Variants in SEL1L observed in about 807,000 individuals in gnomAD.
SEL1L encodes the protein protein sel-1 homolog 1.
In SEL1L, 52 loss-of-function variants were observed where a neutral mutation model predicts 109.8. The ratio of observed to expected loss-of-function variants is 0.47; its 90% confidence interval spans 0.38 to 0.60. The LOEUF is 0.60. Among genes scored for constraint, SEL1L ranks in the 20% least tolerant of loss-of-function variants. The pLI is 0.00. For missense variants in SEL1L, 749 were observed against 962.2 expected (o/e 0.78, Z 2.93); for synonymous variants, 373 against 339.6 (o/e 1.10, Z -1.08).
intron 3 of SEL1L, among the ~76,000 whole-genome samples, chr14:81,526,376 T>C (rs1470543161): frequency 6.6e-6 from 1 of 152,198 alleles, no homozygotes; most frequent in Middle Eastern, 3.2e-3. Context: ...CATAGTGGCA[T>C]GTTAGACAGT....
intron 3 of SEL1L, 77 bp from the exon 4 acceptor site, chr14:81,506,318 G>T: frequency 7.6e-7 from 1 of 1,321,466 alleles, no homozygotes; most frequent in East Asian, 2.7e-5. Context: ...ATCAATTTTG[G>T]CTGTTGGAAT....
Position 81,504,058 on chromosome 14 carries a change from G to A in SEL1L, c.614+143C>T, listed in dbSNP as rs536284188. On this transcript the variant is annotated intron_variant, in intron 5 of 20. Coordinates refer to ENST00000336735, the MANE Select transcript of SEL1L (RefSeq NM_005065.6). ...GGTAAAAGCAATGCTACTAATGCCC[G>A]TAAGTTATATTACATTTTTTTGTAA... 34 of 497,666 alleles carry A rather than the reference G, an allele frequency of 6.8e-5. 2 individuals carry two copies. In the South Asian group the frequency reaches 1.1e-3, roughly 16 times the overall value. 30.8% of individuals were successfully genotyped at this position (497,666 alleles called of 1,614,324 possible). A position where few individuals can be genotyped will look rare whatever the true frequency, so the allele number is the denominator to read the frequency against.
chr14:81,496,542 C>T (rs189482379), intron 10 of SEL1L, among the ~76,000 whole-genome samples: 221 of 152,190 alleles, frequency 1.5e-3, no homozygotes, highest in African/African-American at 4.8e-3. Flanking sequence ...AGTTCAAGAT[C>T]AGCCTGGCCA....
Position 81,487,391 on chromosome 14 carries a change from T to C in SEL1L, c.1631A>G (p.Glu544Gly), listed in dbSNP as rs1223408752. 1 of 1,574,750 alleles carries C rather than the reference T, an allele frequency of 6.4e-7. No homozygotes were observed. Among genetic ancestry groups the C allele is most frequent in the Non-Finnish European group, 8.6e-7 (1 of 1,169,300 alleles). ...GVMRSCHTAV[E>G]LFKNVCERGR... ...ACAAGCTGGTAGGAAAGACCTTACC[T>C]CCACTGCAGTGTGACATGATCGCAT... The change falls in exon 16 of 21, where the codon GAG (glutamate) becomes GGG (glycine). Residue 544 changes from glutamate to glycine, a missense_variant and splice_region_variant. Glu to Gly is a moderately conservative substitution (Grantham distance 98, BLOSUM62 -2). Coordinates refer to ENST00000336735, the MANE Select transcript of SEL1L (RefSeq NM_005065.6).
rs576160338 is a variant in SEL1L at position 81,484,515 on chromosome 14, C to T, written c.1874-118G>A. 116 of 959,632 alleles carry T rather than the reference C, an allele frequency of 1.2e-4. 1 individual carries two copies. The East Asian group carries it at 2.9e-3, about 24-fold the overall frequency. The allele number at this position is 959,632 out of a possible 1,614,324, so 59.4% of individuals were successfully genotyped here. On this transcript the variant is annotated intron_variant, in intron 18 of 20. Coordinates refer to ENST00000336735, the MANE Select transcript of SEL1L (RefSeq NM_005065.6). Reference sequence around the variant, plus strand: ...AAACAAAGAATTTTAATTCATAGTACACAAACTTTGTAACAAATCCTTTCA... The same window carrying T: ...AAACAAAGAATTTTAATTCATAGTATACAAACTTTGTAACAAATCCTTTCA...
chr14:81,495,715 T>A lies in SEL1L; in HGVS notation c.1129-578A>T, dbSNP rs1883719156. 2.6e-5 allele frequency among the ~76,000 whole-genome samples: 4 copies of A among 151,846 alleles called. No individual in the cohort carries two copies. In the South Asian group the frequency reaches 8.3e-4, roughly 31 times the overall value. On this transcript the variant is annotated intron_variant, in intron 10 of 20. Transcript: ENST00000336735. ...ACTTTTGGAAGCTGAGGTGGGTGGA[T>A]CATCTAAGGTCAGGAGTTCAAGACC... is the stretch of plus-strand genomic sequence containing the variant.
intron 19 of SEL1L, among the ~76,000 whole-genome samples, chr14:81,480,091 C>G (rs1196555245): frequency 6.6e-6 from 1 of 152,182 alleles, no homozygotes; most frequent in African/African-American, 2.4e-5. Context: ...AAACTTCAAT[C>G]AGTATTAGCA....
At position 81,471,899 on chromosome 14, in the gene SEL1L, A is replaced by T. The variant is rs1395919495; in HGVS notation, c.*5073T>A. ...GCAGTACCTCCTTTTGAACTGATTA[A>T]CGCTCACTTTTTCTTATTCGTAAAA... On this transcript the variant is annotated 3_prime_UTR_variant, in exon 21 of 21. Coordinates refer to ENST00000336735, the MANE Select transcript of SEL1L (RefSeq NM_005065.6). 1 of 152,236 alleles carries T rather than the reference A, an allele frequency of 6.6e-6. No individual in the cohort carries two copies. Among genetic ancestry groups the T allele is most frequent in the African/African-American group, 2.4e-5 (1 of 41,452 alleles). The allele number at this position is 152,236 out of a possible 1,614,324, so 9.4% of individuals were successfully genotyped here. A position where few individuals can be genotyped will look rare whatever the true frequency, so the allele number is the denominator to read the frequency against.
At chr14:81,521,107 A>G (rs1367298282) in intron 3 of SEL1L, among the ~76,000 whole-genome samples, 4 of 152,164 alleles carry the variant, frequency 2.6e-5, no homozygotes, top group African/African-American at 9.7e-5. Context: ...CAATTTGTCA[A>G]TCTGATTTTT....
chr14:81,492,781 A>T (rs960238278), intron 11 of SEL1L, among the ~76,000 whole-genome samples: 2 of 152,234 alleles, frequency 1.3e-5, no homozygotes, highest in Non-Finnish European at 2.9e-5. Flanking sequence ...TTATAGATGC[A>T]AAGAAATTTC....
chr14:81,477,302 AAT>A (rs1491129491), intron 20 of SEL1L, 121 bp from the exon 21 acceptor site: 9 of 403,914 alleles, frequency 2.2e-5, no homozygotes, highest in East Asian at 1.6e-4. Flanking sequence ...AACGTTTTGC[AAT>A]GTGTGTGTGT....
intron 1 of SEL1L, 80 bp from the exon 2 acceptor site, chr14:81,527,818 T>A (rs1885171300): frequency 1.1e-6 from 1 of 905,926 alleles, no homozygotes. Flanking sequence ...ATGTGAAAAG[T>A]ATAGCAAATA....
chr14:81,531,317 CT>C (rs1260103468), intron 1 of SEL1L, among the ~76,000 whole-genome samples: 1 of 152,176 alleles, frequency 6.6e-6, no homozygotes, highest in East Asian at 1.9e-4. Flanking sequence ...ATGATACTAG[CT>C]AACAGCTATC....
At chr14:81,487,989 T>C in intron 14 of SEL1L, 47 bp from the exon 15 acceptor site, 1 of 1,374,718 alleles carries the variant, frequency 7.3e-7, no homozygotes, top group Non-Finnish European at 1.0e-6. Context: ...AAGGCAGACA[T>C]ACTCAAAAGT....
rs145854494 is a variant in SEL1L at position 81,500,245 on chromosome 14, T to C, written c.778-583A>G. Among the ~76,000 whole-genome samples the C allele has an allele frequency of 4.8e-4, 73 of 151,998 alleles. 1 individual carries two copies. The highest frequency in any genetic ancestry group is 1.5e-3 in the African/African-American group (64 of 41,496). On this transcript the variant is annotated intron_variant, in intron 6 of 20. Coordinates refer to ENST00000336735, the MANE Select transcript of SEL1L (RefSeq NM_005065.6). Reference sequence around the variant, plus strand: ...TGTAACTTTATTTTTATTAATTTATTTTTTCCGAGACAGAGTCTTGCTCTG... The same window carrying C: ...TGTAACTTTATTTTTATTAATTTATCTTTTCCGAGACAGAGTCTTGCTCTG...
chr14:81,499,042 A>G lies in SEL1L; in HGVS notation c.891+417T>C, dbSNP rs1266729438. On this transcript the variant is annotated intron_variant, in intron 8 of 20. Coordinates refer to ENST00000336735, the MANE Select transcript of SEL1L (RefSeq NM_005065.6). Reference sequence around the variant, plus strand: ...AACTCCATGAATTTTAACAATTCTTAGGGCATTGTTGCAAAATATTGTATA... The same window carrying G: ...AACTCCATGAATTTTAACAATTCTTGGGGCATTGTTGCAAAATATTGTATA... 6 of 794,306 alleles carry G rather than the reference A, an allele frequency of 7.6e-6. No homozygotes were observed. In the South Asian group the frequency reaches 2.3e-4, roughly 30 times the overall value. 49.2% of individuals were successfully genotyped at this position (794,306 alleles called of 1,614,324 possible).
intron 10 of SEL1L, among the ~76,000 whole-genome samples, chr14:81,496,278 T>C (rs1408524884): frequency 4.6e-5 from 7 of 151,808 alleles, no homozygotes. Context: ...GAGCCGAGAT[T>C]GCACCACTGC....
At chr14:81,530,912 A>G (rs776998783) in intron 1 of SEL1L, among the ~76,000 whole-genome samples, 2 of 152,222 alleles carry the variant, frequency 1.3e-5, no homozygotes, top group East Asian at 1.9e-4. Flanking sequence ...CAACTGTAAC[A>G]TAACAGTAAG....
chr14:81,508,903 T>C (rs1884349412), intron 3 of SEL1L, among the ~76,000 whole-genome samples: 1 of 152,208 alleles, frequency 6.6e-6, no homozygotes, highest in Non-Finnish European at 1.5e-5. Flanking sequence ...TGATGAACTA[T>C]ACCACAGAAA....
Sources: gnomAD v4.1 joint callset for allele counts (sites outside exome capture counted in the v4.1 genomes callset) on GRCh38, gnomAD v4.1.1 for gene constraint, MANE v1.5 for transcripts, NCBI Gene and HGNC (gene_info 2026-07-23, HGNC 2026-07-21) for gene names.